ARID5A: variants seen among roughly 807,000 people sequenced by gnomAD.
The protein encoded by ARID5A is AT-rich interactive domain-containing protein 5A.
ARID5A carries 14 observed loss-of-function variants against 30.5 expected under a neutral mutation model. The ratio of observed to expected loss-of-function variants is 0.46; its 90% confidence interval spans 0.30 to 0.72. The LOEUF is 0.72. ARID5A is among the 30% of genes least tolerant of loss of function. ARID5A has a pLI of 0.07. For synonymous variants in ARID5A, 338 were observed against 340.4 expected (o/e 0.99, Z 0.08); for missense variants, 669 against 786.2 (o/e 0.85, Z 1.78).
rs1284461391 is a variant in ARID5A at position 96,550,699 on chromosome 2, C to T, written c.536C>T (p.Pro179Leu). 1.3e-5 allele frequency: 21 copies of T among 1,593,876 alleles called. No individual in the cohort carries two copies. Among genetic ancestry groups the T allele is most frequent in the African/African-American group, 2.7e-5 (2 of 74,678 alleles). ...GGGGATGATGGGGCCACCGAGAGGC[C>T]GAAGAAGGCCAAGGAGGAGCGGCGC... is the stretch of plus-strand genomic sequence containing the variant. ...NRGDDGATER[P>L]KKAKEERRMD... Residue 179 changes from proline to leucine, a missense_variant, in exon 6 of 7, where the codon CCG becomes CTG. Coordinates refer to ENST00000357485, the MANE Select transcript of ARID5A (RefSeq NM_212481.3). This position sits in a 1 kb window ranked among gnomAD's most constrained non-coding sequence, Gnocchi z 6.6.
chr2:96,551,663 G>T lies in ARID5A; in HGVS notation c.1135G>T (p.Gly379Trp). ...GVLLGPPGKEGLSVKEPQLVW... is the reference protein window; with the variant it reads ...GVLLGPPGKEWLSVKEPQLVW... ...GCTATTGGGGCCTCCTGGCAAAGAG[G>T]GGCTGTCAGTGAAAGAGCCCCAGCT... is the stretch of plus-strand genomic sequence containing the variant. Residue 379 changes from glycine (G) to tryptophan (W), a missense_variant, in exon 7 of 7, where the codon GGG becomes TGG. Gly to Trp is a radical substitution (Grantham distance 184). This residue lies in a region of ARID5A where 548 missense variants were observed against 577.4 expected (regional missense o/e 0.95). Transcript: ENST00000357485. 6.6e-7 allele frequency: 1 copy of T among 1,523,792 alleles called. No individual in the cohort carries two copies. The highest frequency in any genetic ancestry group is 2.3e-5 in the East Asian group (1 of 44,112). 94.4% of individuals were successfully genotyped at this position (1,523,792 alleles called of 1,614,324 possible).
rs1453099646 is a variant in ARID5A, at chr2:96,536,787, T to G, written c.-40T>G. On this transcript the variant is annotated 5_prime_UTR_variant, in exon 1 of 7. Transcript: ENST00000357485. Reference sequence around the variant, plus strand: ...GCGCGGGGTCCGGACAGCCGCGCGCTGAGGGTCTCGGGGCGGGCGCCGCGG... The same window carrying G: ...GCGCGGGGTCCGGACAGCCGCGCGCGGAGGGTCTCGGGGCGGGCGCCGCGG... The G allele has an allele frequency of 8.4e-7, 1 of 1,194,994 alleles. No homozygotes were observed. The highest frequency in any genetic ancestry group is 1.0e-6 in the Non-Finnish European group (1 of 966,622). 74.0% of individuals were successfully genotyped at this position (1,194,994 alleles called of 1,614,324 possible).
Position 96,549,256 on chromosome 2 carries a change from C to G in ARID5A, c.121-65C>G. ...TTATTCCTCCTGCAGCCAGTGGTTT[C>G]TGCACATCCCCAGCAGCCAGCCACC... On this transcript the variant is annotated intron_variant, in intron 2 of 6. Transcript: ENST00000357485. This position sits in a 1 kb window ranked among gnomAD's most constrained non-coding sequence, Gnocchi z 6.1. 1 of 1,581,566 alleles carries G rather than the reference C, an allele frequency of 6.3e-7. No homozygotes were observed. Among genetic ancestry groups the G allele is most frequent in the Non-Finnish European group, 8.6e-7 (1 of 1,164,468 alleles).
chr2:96,537,005 G>A lies in ARID5A; in HGVS notation c.4+175G>A, dbSNP rs1164469280. On this transcript the variant is annotated intron_variant, in intron 1 of 6. Coordinates refer to ENST00000357485, the MANE Select transcript of ARID5A (RefSeq NM_212481.3). The surrounding 1 kb of genome is among the most constrained non-coding windows in gnomAD (Gnocchi z 4.8). ...CCAAGGGGAGCGAGCCCGGCCCGCG[G>A]CTTCAGCGCTCCCCGGCCGGCGCGG... 6.6e-6 allele frequency among the ~76,000 whole-genome samples: 1 copy of A among 152,020 alleles called. No homozygotes were observed. Among genetic ancestry groups the A allele is most frequent in the Non-Finnish European group, 1.5e-5 (1 of 67,964 alleles).
At chr2:96,547,251 A>G (rs2065945236) in intron 1 of ARID5A, 151 bp from the exon 2 acceptor site, 1 of 594,148 alleles carries the variant, frequency 1.7e-6, no homozygotes, top group African/African-American at 1.9e-5. Context: ...GGGCCTCCCA[A>G]AGTGCTGGGA....
rs1372646985 is a variant in ARID5A, at chr2:96,551,510, G to A, written c.982G>A (p.Glu328Lys). 2 of 1,596,324 alleles carry A rather than the reference G, an allele frequency of 1.3e-6. No homozygotes were observed. The highest frequency in any genetic ancestry group is 2.2e-5 in the South Asian group (2 of 89,152). ...LQAPGGSLRE[E>K]AQAGPCPAAP... ...GGCCCCAGGTGGCAGCCTCAGAGAG[G>A]AGGCGCAGGCAGGCCCCTGCCCGGC... The change falls in exon 7 of 7, where the codon GAG (glutamate) becomes AAG (lysine). Residue 328 changes from glutamate to lysine, a missense_variant. Coordinates refer to ENST00000357485, the MANE Select transcript of ARID5A (RefSeq NM_212481.3).
chr2:96,547,373 C>T, intron 1 of ARID5A, 29 bp from the exon 2 acceptor site: 1 of 1,595,888 alleles, frequency 6.3e-7, no homozygotes, highest in Non-Finnish European at 8.6e-7. Context: ...CCACCCCTTC[C>T]TCCTTACTCC....
At chr2:96,546,639 C>T (rs377192414) in intron 1 of ARID5A, among the ~76,000 whole-genome samples, 4 of 152,216 alleles carry the variant, frequency 2.6e-5, no homozygotes, top group Non-Finnish European at 4.4e-5. Context: ...AGGAGCTGCC[C>T]GTGGCCAGGG....
chr2:96,548,717 T>G (rs942546068), intron 2 of ARID5A, among the ~76,000 whole-genome samples: 1 of 152,204 alleles, frequency 6.6e-6, no homozygotes, highest in African/African-American at 2.4e-5. Context: ...TCAGCAGAGA[T>G]TGCCCCTCTG....
intron 1 of ARID5A, among the ~76,000 whole-genome samples, chr2:96,541,147 C>T (rs1007215561): frequency 1.2e-4 from 19 of 152,072 alleles, no homozygotes; most frequent in Non-Finnish European, 2.2e-4. Flanking sequence ...AAGCGATTCT[C>T]CTGCCTCAGC....
In ARID5A at chr2:96,552,224, A is replaced by C; in HGVS notation, c.1696A>C (p.Arg566=). The change falls in exon 7 of 7, where the codon AGA becomes CGA. Residue 566 remains arginine, a synonymous_variant. Coordinates refer to ENST00000357485, the MANE Select transcript of ARID5A (RefSeq NM_212481.3). ...GTCCTTCGACAGTGCCCTCCGCCAC[A>C]GACTTTGCCCGGCCTCATCTGCCTG... The part of the protein sequence containing the change: ...PTSFDSALRH[R]LCPASSAWHA... 2 of 1,613,542 alleles carry C rather than the reference A, an allele frequency of 1.2e-6. No individual in the cohort carries two copies. The highest frequency in any genetic ancestry group is 2.7e-5 in the African/African-American group (2 of 75,072).
Position 96,549,536 on chromosome 2 carries a change from C to G in ARID5A, c.259+77C>G. ...CAGGCAGGGCATCGGGCAGGCACTC[C>G]CACTCTGGGTGACCCAGGTTGCAGA... On this transcript the variant is annotated intron_variant, in intron 3 of 6. Transcript: ENST00000357485. The surrounding 1 kb of genome is among the most constrained non-coding windows in gnomAD (Gnocchi z 6.1). The G allele has an allele frequency of 6.4e-7, 1 of 1,568,982 alleles. No individual in the cohort carries two copies. The highest frequency in any genetic ancestry group is 8.7e-7 in the Non-Finnish European group (1 of 1,150,566).
chr2:96,552,386 C>T lies in ARID5A; in HGVS notation c.*73C>T. ...ACAGGCAGGTACTGCTGCCAGGGGGCTCTGAACTAGTGCCTGCTACCCAGG... is the reference window on the plus strand; with the variant it reads ...ACAGGCAGGTACTGCTGCCAGGGGGTTCTGAACTAGTGCCTGCTACCCAGG... On this transcript the variant is annotated 3_prime_UTR_variant, in exon 7 of 7. Coordinates refer to ENST00000357485, the MANE Select transcript of ARID5A (RefSeq NM_212481.3). The T allele has an allele frequency of 6.3e-7, 1 of 1,598,542 alleles. No individual in the cohort carries two copies. Among genetic ancestry groups the T allele is most frequent in the Non-Finnish European group, 8.5e-7 (1 of 1,173,692 alleles).
chr2:96,538,166 C>T, intron 1 of ARID5A: 2 of 985,442 alleles, frequency 2.0e-6, no homozygotes, highest in Non-Finnish European at 2.4e-6. Flanking sequence ...GAGACGTCAA[C>T]TGGCACCTCT....
chr2:96,547,175 G>A (rs1316540839), intron 1 of ARID5A, among the ~76,000 whole-genome samples: 1 of 150,424 alleles, frequency 6.6e-6, no homozygotes, highest in Admixed American at 6.6e-5. Flanking sequence ...TTTAATAATA[G>A]AGACGGGGTC....
rs889295191 is a variant in ARID5A, at chr2:96,539,098, G to A, written c.4+2268G>A. Among the ~76,000 whole-genome samples the A allele has an allele frequency of 6.6e-6, 1 of 152,210 alleles. No homozygotes were observed. Among genetic ancestry groups the A allele is most frequent in the African/African-American group, 2.4e-5 (1 of 41,438 alleles). On this transcript the variant is annotated intron_variant, in intron 1 of 6. Coordinates refer to ENST00000357485, the MANE Select transcript of ARID5A (RefSeq NM_212481.3). This position sits in a 1 kb window ranked among gnomAD's most constrained non-coding sequence, Gnocchi z 4.7. ...GAGGGAGCAGGACAGGCAGGCCTCT[G>A]ATCTTCTCACTGAGCCTGGCTGTGG...
At position 96,550,084 on chromosome 2, in the gene ARID5A, G is replaced by A. The variant is rs1182594751; in HGVS notation, c.313-104G>A. 8 of 1,532,210 alleles carry A rather than the reference G, an allele frequency of 5.2e-6. No individual in the cohort carries two copies. Among genetic ancestry groups the A allele is most frequent in the Admixed American group, 2.0e-5 (1 of 50,894 alleles). 94.9% of individuals were successfully genotyped at this position (1,532,210 alleles called of 1,614,324 possible). A position where few individuals can be genotyped will look rare whatever the true frequency, so the allele number is the denominator to read the frequency against. ...CCGCTGCTGGAGCCGCAGAGCAGCT[G>A]CCAAACTGCAGTCCTTCGAGTCCCT... On this transcript the variant is annotated intron_variant, in intron 4 of 6. Transcript: ENST00000357485. This position sits in a 1 kb window ranked among gnomAD's most constrained non-coding sequence, Gnocchi z 6.6.
chr2:96,548,906 C>G (rs925195141), intron 2 of ARID5A, among the ~76,000 whole-genome samples: 2 of 152,252 alleles, frequency 1.3e-5, no homozygotes, highest in Non-Finnish European at 2.9e-5. Context: ...TTCAGCTTTT[C>G]CCTCTGCGGT....
rs181888979 is a variant in ARID5A, at chr2:96,545,302, A to G, written c.5-2100A>G. 8.4e-3 allele frequency among the ~76,000 whole-genome samples: 1,271 copies of G among 151,526 alleles called. 16 individuals carry two copies. Among genetic ancestry groups the G allele is most frequent in the Non-Finnish European group, 0.011 (772 of 67,826 alleles). On this transcript the variant is annotated intron_variant, in intron 1 of 6. Coordinates refer to ENST00000357485, the MANE Select transcript of ARID5A (RefSeq NM_212481.3). The stretch of plus-strand genomic sequence containing the variant: ...CTCCTGAGTTGCTGGGACTACTGGG[A>G]CCTGCCACCACACCCAGCTGACTTT...
Sources: gnomAD v4.1 joint callset for allele counts (sites outside exome capture counted in the v4.1 genomes callset) on GRCh38, gnomAD v4.1.1 for gene constraint, gnomAD v4.1.1 regional missense constraint, Gnocchi (gnomAD v3.1) non-coding constraint, MANE v1.5 for transcripts, NCBI Gene and HGNC (gene_info 2026-07-23, HGNC 2026-07-21) for gene names.